Variants in GOLGA3 observed in about 807,000 individuals in gnomAD.
GOLGA3 encodes golgin subfamily A member 3.
Under a neutral mutation model 169.4 loss-of-function variants are expected in GOLGA3, and 75 were observed. That is an observed-to-expected ratio of 0.44 (90% confidence interval 0.37 to 0.54). The LOEUF is 0.54. Among genes scored for constraint, GOLGA3 ranks in the 20% least tolerant of loss-of-function variants. The pLI is 0.00. For missense variants in GOLGA3, 1,899 were observed against 1,930.0 expected (o/e 0.98, Z 0.30); for synonymous variants, 824 against 822.4 (o/e 1.00, Z -0.03).
intron 12 of GOLGA3, 39 bp from the exon 13 acceptor site, chr12:132,789,329 G>C: frequency 6.6e-7 from 1 of 1,504,948 alleles, no homozygotes; most frequent in South Asian, 1.3e-5. Flanking sequence ...GCTGGGCGGC[G>C]GGGCGTGGGG....
chr12:132,796,538 CCTGCTCCAGCTG>C lies in GOLGA3; in HGVS notation c.2089_2100del (p.Gln697_Gln700del), dbSNP rs1014071136. On this transcript the variant is annotated inframe_deletion and splice_region_variant, in exon 10 of 24. Transcript: ENST00000450791. Reference sequence around the variant, plus strand: ...CAGCCTGAAGGGCTGCAGGGACTTACCTGCTCCAGCTGCTGCTCCAGGGATGCCGCCGAGTCC... The same window carrying C: ...CAGCCTGAAGGGCTGCAGGGACTTACCTGCTCCAGGGATGCCGCCGAGTCC... 2 of 1,608,488 alleles carry C rather than the reference CCTGCTCCAGCTG, an allele frequency of 1.2e-6. No individual in the cohort carries two copies. The highest frequency in any genetic ancestry group is 8.5e-7 in the Non-Finnish European group (1 of 1,179,216).
chr12:132,773,431 AGAAGCTCAG>A, intron 23 of GOLGA3, 137 bp from the exon 24 acceptor site: 1 of 453,496 alleles, frequency 2.2e-6, no homozygotes, highest in Non-Finnish European at 3.9e-6. Flanking sequence ...CTGAGACCAC[AGAAGCTCAG>A]CTGTTCTCAG....
chr12:132,786,802 G>A lies in GOLGA3; in HGVS notation c.2812-15C>T, dbSNP rs2045928132. 2 of 1,557,560 alleles carry A rather than the reference G, an allele frequency of 1.3e-6. No individual in the cohort carries two copies. Among genetic ancestry groups the A allele is most frequent in the African/African-American group, 2.7e-5 (2 of 73,732 alleles). Reference sequence around the variant, plus strand: ...AACTGCAACGACTGTGGAAGGGAAGGAGGGCGTGAGGAGCGGCACTGCCAC... The same window carrying A: ...AACTGCAACGACTGTGGAAGGGAAGAAGGGCGTGAGGAGCGGCACTGCCAC... On this transcript the variant is annotated splice_polypyrimidine_tract_variant and intron_variant, in intron 13 of 23. Transcript: ENST00000450791.
At chr12:132,812,119 C>T (rs1389868596) in intron 4 of GOLGA3, among the ~76,000 whole-genome samples, 4 of 150,392 alleles carry the variant, frequency 2.7e-5, no homozygotes, top group African/African-American at 7.3e-5. Flanking sequence ...ACTAGGGAGA[C>T]GGAGGTTGCA....
chr12:132,810,755 A>T (rs1306214905), intron 4 of GOLGA3, among the ~76,000 whole-genome samples: 1 of 150,944 alleles, frequency 6.6e-6, no homozygotes, highest in Non-Finnish European at 1.5e-5. Context: ...AACACCCACT[A>T]CTTAGCAGAG....
intron 2 of GOLGA3, among the ~76,000 whole-genome samples, chr12:132,820,159 A>G (rs1473009144): frequency 6.6e-6 from 1 of 151,712 alleles, no homozygotes; most frequent in African/African-American, 2.4e-5. Context: ...CTGGACAACA[A>G]CAGCAAAACT....
At chr12:132,795,193 A>G (rs1429368144) in intron 11 of GOLGA3, among the ~76,000 whole-genome samples, 1 of 151,822 alleles carries the variant, frequency 6.6e-6, no homozygotes, top group African/African-American at 2.4e-5. Context: ...CTCAAAAAAA[A>G]AAAAAAAGAA....
chr12:132,787,705 CCCGGG>C (rs2045984623), intron 13 of GOLGA3, among the ~76,000 whole-genome samples: 2 of 88,218 alleles, frequency 2.3e-5, no homozygotes, highest in Admixed American at 1.1e-4. Flanking sequence ...CCCCGGAGAC[CCCGGG>C]ACCCCTCCCC....
Position 132,804,351 on chromosome 12 carries a change from C to G in GOLGA3, c.1597+365G>C, listed in dbSNP as rs879891555. On this transcript the variant is annotated intron_variant, in intron 7 of 23. Coordinates refer to ENST00000450791, the MANE Select transcript of GOLGA3 (RefSeq NM_001389683.1). The surrounding 1 kb of genome is among the most constrained non-coding windows in gnomAD (Gnocchi z 4.1). ...GTCAATCTCCAAGACCTAATTCATT[C>G]CCCTGGATGTGCACACAAAAATGTA... is the stretch of plus-strand genomic sequence containing the variant. Among the ~76,000 whole-genome samples the G allele has an allele frequency of 6.6e-6, 1 of 152,232 alleles. No homozygotes were observed. Among genetic ancestry groups the G allele is most frequent in the African/African-American group, 2.4e-5 (1 of 41,466 alleles).
rs745697627 is a variant in GOLGA3, at chr12:132,780,961, A to G, written c.3466-47T>C. 10 of 1,418,198 alleles carry G rather than the reference A, an allele frequency of 7.1e-6. 1 individual carries two copies. The South Asian group carries it at 1.0e-4, about 15-fold the overall frequency. 87.9% of individuals were successfully genotyped at this position (1,418,198 alleles called of 1,614,324 possible). ...CAGATAAGGAAGGACGTCGAATTAC[A>G]AACACACAAGGCTGCTACAGCAGGC... On this transcript the variant is annotated intron_variant, in intron 17 of 23. Coordinates refer to ENST00000450791, the MANE Select transcript of GOLGA3 (RefSeq NM_001389683.1).
Position 132,807,232 on chromosome 12 carries a change from T to C in GOLGA3, c.1235A>G (p.Lys412Arg), listed in dbSNP as rs1411292839. The change falls in exon 6 of 24, where the codon AAA becomes AGA. Residue 412 changes from lysine to arginine, a missense_variant. Coordinates refer to ENST00000450791, the MANE Select transcript of GOLGA3 (RefSeq NM_001389683.1). ...CTGTCCTTCGAGTCGCATTTTCTCT[T>C]TGAGCACCTGCAGCATCTCCTCCTG... ...ETQEEMLQVL[K>R]EKMRLEGQLE... 1 of 1,604,326 alleles carries C rather than the reference T, an allele frequency of 6.2e-7. No homozygotes were observed. The highest frequency in any genetic ancestry group is 1.7e-5 in the Admixed American group (1 of 59,216).
intron 1 of GOLGA3, 124 bp downstream of exon 1, chr12:132,828,679 A>C (rs1329054574): frequency 4.2e-5 from 2 of 47,326 alleles, no homozygotes; most frequent in East Asian, 1.5e-3. Context: ...CCGTCCCGCC[A>C]CGCTGCAGGG....
chr12:132,826,253 A>AG (rs200089405), intron 1 of GOLGA3: 261,879 of 1,227,074 alleles, frequency 0.21, 13,996 homozygotes, highest in Non-Finnish European at 0.24. Flanking sequence ...AAAAAAAAAA[A>AG]AAAAAGAAAC....
chr12:132,807,305 G>A lies in GOLGA3; in HGVS notation c.1179-17C>T, dbSNP rs748895412. On this transcript the variant is annotated splice_polypyrimidine_tract_variant and intron_variant, in intron 5 of 23. Transcript: ENST00000450791. Reference sequence around the variant, plus strand: ...AAGGACACGCTGGGGACAAAGGCACGGGTCAGGCCTGTGCGAGCCATCCTC... The same window carrying A: ...AAGGACACGCTGGGGACAAAGGCACAGGTCAGGCCTGTGCGAGCCATCCTC... 9 of 1,412,024 alleles carry A rather than the reference G, an allele frequency of 6.4e-6. No homozygotes were observed. Among genetic ancestry groups the A allele is most frequent in the East Asian group, 2.5e-5 (1 of 40,118 alleles). 87.5% of individuals were successfully genotyped at this position (1,412,024 alleles called of 1,614,324 possible).
In GOLGA3 at chr12:132,773,179, C is replaced by A. The variant is rs370553580; in HGVS notation, c.4423G>T (p.Gly1475Cys). 114 of 1,586,178 alleles carry A rather than the reference C, an allele frequency of 7.2e-5. No individual in the cohort carries two copies. Among genetic ancestry groups the A allele is most frequent in the Non-Finnish European group, 9.2e-5 (107 of 1,165,700 alleles). Residue 1475 changes from glycine to cysteine, a missense_variant, in exon 24 of 24, where the codon GGT (glycine) becomes TGT (cysteine). Gly to Cys is a radical substitution (Grantham distance 159). Transcript: ENST00000450791. ...GGGTCGCCGCGTGGGCCGGCGTGAC[C>A]CCCCGGGGGCACAGGGCTGGCAGTG... Reference protein sequence around the residue: ...PATASPVPPGGHAGPRGDPQR... With the variant: ...PATASPVPPGCHAGPRGDPQR...
chr12:132,802,962 G>A (rs1331447318), intron 7 of GOLGA3, among the ~76,000 whole-genome samples: 1 of 152,204 alleles, frequency 6.6e-6, no homozygotes, highest in Admixed American at 6.5e-5. Flanking sequence ...GGCTGAGGCA[G>A]GAGAATCGCT....
Position 132,820,484 on chromosome 12 carries a change from C to T in GOLGA3, c.133+1512G>A, listed in dbSNP as rs764389034. ...GGGTCTCAGAACTCTTGATCTTGGG[C>T]CTCTAAGTTGTTATCTGCCTCACCT... On this transcript the variant is annotated intron_variant, in intron 2 of 23. Transcript: ENST00000450791. Among the ~76,000 whole-genome samples, 9 of 152,312 alleles carry T rather than the reference C, an allele frequency of 5.9e-5. No individual in the cohort carries two copies. The South Asian group carries it at 6.2e-4, about 11-fold the overall frequency.
At chr12:132,822,390 C>G (rs1465167020) in intron 1 of GOLGA3, 79 bp from the exon 2 acceptor site, 11 of 794,362 alleles carry the variant, frequency 1.4e-5, no homozygotes, top group African/African-American at 1.8e-5. Context: ...CATTTGGTTC[C>G]CAATTTGCAT....
chr12:132,811,507 C>A (rs1425480730), intron 4 of GOLGA3, among the ~76,000 whole-genome samples: 1 of 151,742 alleles, frequency 6.6e-6, no homozygotes, highest in Non-Finnish European at 1.5e-5. Flanking sequence ...TGGACCCAGG[C>A]TGGAGTGCAG....
Sources: gnomAD v4.1 joint callset for allele counts (sites outside exome capture counted in the v4.1 genomes callset) on GRCh38, gnomAD v4.1.1 for gene constraint, Gnocchi (gnomAD v3.1) non-coding constraint, MANE v1.5 for transcripts, NCBI Gene and HGNC (gene_info 2026-07-23, HGNC 2026-07-21) for gene names.